Variants in TTN observed in about 807,000 individuals in gnomAD.
TTN encodes the protein titin.
A neutral mutation model predicts 3,223.0 loss-of-function variants in TTN; 1,525 were observed. The observed-to-expected ratio is 0.47, with a 90% confidence interval of 0.45 to 0.49. TTN has a LOEUF of 0.49. TTN is among the 20% of genes least tolerant of loss of function. The pLI is 0.00. For missense variants in TTN, 40,786 were observed against 43,424.0 expected, an observed-to-expected ratio of 0.94 and a Z score of 5.40; for synonymous variants, 14,094 against 15,161.0, an observed-to-expected ratio of 0.93 and a Z score of 5.17.
At chr2:178,597,883 G>C in intron 293 of TTN, 25 bp downstream of exon 293, 1 of 1,612,748 alleles carries the variant, frequency 6.2e-7, no homozygotes, top group African/African-American at 1.3e-5. Flanking sequence ...AAATACTGAT[G>C]GCATAAGGAA....
In TTN at chr2:178,776,865, A is replaced by C; in HGVS notation, c.4999T>G (p.Tyr1667Asp). 1 of 1,613,720 alleles carries C rather than the reference A, an allele frequency of 6.2e-7. No homozygotes were observed. Among genetic ancestry groups the C allele is most frequent in the East Asian group, 2.2e-5 (1 of 44,858 alleles). Residue 1667 changes from tyrosine to aspartate, a missense_variant, in exon 28 of 363, where the codon TAT becomes GAT. Transcript: ENST00000589042. ...GGGGCTGCAATCTCCTTTGCTCTAT[A>C]TGTCCCCCGTGGGATGATTAACTTT... ...ERKLIIPRGTYRAKEIAAPEL... is the reference protein window; with the variant it reads ...ERKLIIPRGTDRAKEIAAPEL...
At position 178,715,778 on chromosome 2, in the gene TTN, T is replaced by C. The variant is rs886055292; in HGVS notation, c.25640-4A>G. The C allele has an allele frequency of 5.7e-6, 9 of 1,571,252 alleles. No individual in the cohort carries two copies. The highest frequency in any genetic ancestry group is 6.9e-6 in the Non-Finnish European group (8 of 1,156,490). On this transcript the variant is annotated splice_polypyrimidine_tract_variant and splice_region_variant and intron_variant, in intron 88 of 362. Coordinates refer to ENST00000589042, the MANE Select transcript of TTN (RefSeq NM_001267550.2). ...TTCTTAATGAACCTGGGTGGTTCTA[T>C]GGAACCAAGAGGAAAAACACAGGGT...
chr2:178,671,712 T>C (rs1487284272), intron 155 of TTN, among the ~76,000 whole-genome samples: 1 of 151,762 alleles, frequency 6.6e-6, no homozygotes, highest in African/African-American at 2.4e-5. Flanking sequence ...TTGTGTAACA[T>C]TCTTAGTCAG....
At position 178,565,678 on chromosome 2, in the gene TTN, T is replaced by G. The variant is rs771164870; in HGVS notation, c.80454A>C (p.Glu26818Asp). 6.2e-7 allele frequency: 1 copy of G among 1,613,604 alleles called. No individual in the cohort carries two copies. Among genetic ancestry groups the G allele is most frequent in the South Asian group, 1.1e-5 (1 of 91,084 alleles). The change falls in exon 326 of 363, where the codon GAA (glutamate) becomes GAC (aspartate). Residue 26818 changes from glutamate (E) to aspartate (D), a missense_variant. By Grantham distance (45) the Glu-to-Asp change is conservative. Transcript: ENST00000589042. ...GGSRVLGYVV[E>D]MQPKGTEKWS... ...ATTTTTCAGTTCCTTTGGGCTGCAT[T>G]TCAACAACGTACCCCAGGACTCTGC...
At chr2:178,799,801 A>C (rs759388818) in intron 5 of TTN, 24 bp downstream of exon 5, 1 of 1,614,190 alleles carries the variant, frequency 6.2e-7, no homozygotes, top group Non-Finnish European at 8.5e-7. Context: ...GAAAGGCTTG[A>C]AAACCAACAG....
intron 71 of TTN, 45 bp downstream of exon 71, chr2:178,725,323 T>C (rs1183614220): frequency 7.0e-7 from 1 of 1,429,082 alleles, no homozygotes; most frequent in East Asian, 2.6e-5. Flanking sequence ...TAGTAATTCA[T>C]TCCAGCATTT....
chr2:178,588,000 T>C lies in TTN; in HGVS notation c.63407A>G (p.Asp21136Gly), dbSNP rs773075736. 3 of 1,612,734 alleles carry C rather than the reference T, an allele frequency of 1.9e-6. No homozygotes were observed. The highest frequency in any genetic ancestry group is 2.5e-6 in the Non-Finnish European group (3 of 1,179,304). ...VRKEFTVTSL[D>G]ENQEYEFRVC... is the part of the protein sequence containing the mutation. ...CCTGAACTCATATTCCTGGTTTTCA[T>C]CCAAGCTGGTAACAGTGAATTCCTT... Residue 21136 changes from aspartate to glycine, a missense_variant, in exon 305 of 363, where the codon GAT becomes GGT. Transcript: ENST00000589042.
At chr2:178,803,474 AAAAGGGAATT>A (rs766878134) in intron 2 of TTN, among the ~76,000 whole-genome samples, 20 of 151,950 alleles carry the variant, frequency 1.3e-4, no homozygotes, top group Non-Finnish European at 2.4e-4. Flanking sequence ...TAGACCAATG[AAAAGGGAATT>A]TCATTGGTCT....
chr2:178,593,416 C>G lies in TTN; in HGVS notation c.58792G>C (p.Val19598Leu), dbSNP rs1375428423. The G allele has an allele frequency of 3.1e-6, 5 of 1,613,196 alleles. No individual in the cohort carries two copies. Among genetic ancestry groups the G allele is most frequent in the Admixed American group, 1.7e-5 (1 of 59,942 alleles). The change falls in exon 299 of 363, where the codon GTA becomes CTA. Residue 19598 changes from valine to leucine, a missense_variant. By Grantham distance (32) the Val-to-Leu change is conservative. Coordinates refer to ENST00000589042, the MANE Select transcript of TTN (RefSeq NM_001267550.2). ...CCATCATGTGGCTTATTCCAGGTTA[C>G]TAATGCAGAGTCTTTGGTAACTTCT... The part of the protein sequence containing the change: ...VTEVTKDSAL[V>L]TWNKPHDGGK...
In TTN at chr2:178,561,571, A is replaced by G; in HGVS notation, c.84561T>C (p.Ile28187=). The G allele has an allele frequency of 6.2e-7, 1 of 1,613,322 alleles. No homozygotes were observed. The highest frequency in any genetic ancestry group is 8.5e-7 in the Non-Finnish European group (1 of 1,179,572). Residue 28187 remains isoleucine, a synonymous_variant, in exon 326 of 363, where the codon ATT becomes ATC. Transcript: ENST00000589042. ...VPVNDGGSRV[I]GYHLEYKERS... ...TTTCTTTATACTCAAGATGATAGCC[A>G]ATTACTCGACTTCCTCCATCATTAA... is the stretch of plus-strand genomic sequence containing the variant.
rs773843381 is a variant in TTN at position 178,799,470 on chromosome 2, C to T, written c.914+17G>A. The stretch of plus-strand genomic sequence containing the variant: ...TCCAAAATGTGCAATAATCTGCTCT[C>T]TCTATGGCAGCTTTACCTGACCGGA... On this transcript the variant is annotated intron_variant, in intron 6 of 362. Coordinates refer to ENST00000589042, the MANE Select transcript of TTN (RefSeq NM_001267550.2). 9 of 1,614,060 alleles carry T rather than the reference C, an allele frequency of 5.6e-6. No homozygotes were observed. The Admixed American group carries it at 6.7e-5, about 12-fold the overall frequency.
Position 178,575,265 on chromosome 2 carries a change from T to C in TTN, c.70867A>G (p.Ile23623Val), listed in dbSNP as rs1218196881. The change falls in exon 326 of 363, where the codon ATT becomes GTT. Residue 23623 changes from isoleucine to valine, a missense_variant. Physicochemically the swap from Ile to Val is conservative, Grantham distance 29. Transcript: ENST00000589042. This position sits in a 1 kb window ranked among gnomAD's most constrained non-coding sequence, Gnocchi z 4.0. ...GGAAGCATTGTCTGCTCCTTGACAA[T>C]GACGGGTCTGCTTTCTCTAGGGGCA... The part of the protein sequence containing the change: ...RSAPRESRPV[I>V]VKEQTMLPEL... 1 of 1,613,214 alleles carries C rather than the reference T, an allele frequency of 6.2e-7. No homozygotes were observed. The highest frequency in any genetic ancestry group is 8.5e-7 in the Non-Finnish European group (1 of 1,179,584).
Position 178,634,825 on chromosome 2 carries a change from C to T in TTN, c.42049G>A (p.Gly14017Arg), listed in dbSNP as rs1161979802. ...SPTCEIKAEG[G>R]KRFLTLHKVK... ...TTGTGCAAAGTTAAGAAGCGTTTTC[C>T]ACCTTCTGCTTTGATTTCACAAGTC... The change falls in exon 229 of 363, where the codon GGA becomes AGA. Residue 14017 changes from glycine (G) to arginine (R), a missense_variant. By Grantham distance (125) the Gly-to-Arg change is moderately radical. Coordinates refer to ENST00000589042, the MANE Select transcript of TTN (RefSeq NM_001267550.2). This position sits in a 1 kb window ranked among gnomAD's most constrained non-coding sequence, Gnocchi z 4.6. 2 of 1,611,216 alleles carry T rather than the reference C, an allele frequency of 1.2e-6. No individual in the cohort carries two copies. Among genetic ancestry groups the T allele is most frequent in the African/African-American group, 1.3e-5 (1 of 74,746 alleles).
intron 213 of TTN, among the ~76,000 whole-genome samples, chr2:178,648,097 A>G (rs997144895): frequency 3.9e-5 from 6 of 152,142 alleles, no homozygotes; most frequent in Non-Finnish European, 8.8e-5. Flanking sequence ...ACTATTTAGT[A>G]GCTGAAATTG....
chr2:178,757,521 T>C (rs769526025), intron 45 of TTN, 21 bp downstream of exon 45: 6 of 1,526,176 alleles, frequency 3.9e-6, no homozygotes, highest in Non-Finnish European at 5.3e-6. Flanking sequence ...ATCAAAGTCC[T>C]TGAAGCAAGA....
Position 178,677,751 on chromosome 2 carries a change from T to C in TTN, c.34161A>G (p.Glu11387=), listed in dbSNP as rs780975680. ...VLPEEEEVLP[E]EEEIPPEEEE... is the part of the protein sequence containing the mutation. ...CTTCCTCAGGTGGAATTTCCTCTTC[T>C]TCAGGTAGAACTTCCTCTTCTTCAG... Residue 11387 remains glutamate, a synonymous_variant, in exon 146 of 363, where the codon GAA becomes GAG. Transcript: ENST00000589042. The C allele has an allele frequency of 8.7e-6, 14 of 1,608,754 alleles. No individual in the cohort carries two copies. The highest frequency in any genetic ancestry group is 1.2e-5 in the Non-Finnish European group (14 of 1,176,268).
In TTN at chr2:178,582,948, T is replaced by A. The variant is rs371740766; in HGVS notation, c.65855A>T (p.Lys21952Ile). 2 of 1,523,778 alleles carry A rather than the reference T, an allele frequency of 1.3e-6. No individual in the cohort carries two copies. Among genetic ancestry groups the A allele is most frequent in the Non-Finnish European group, 1.8e-6 (2 of 1,134,808 alleles). 94.4% of individuals were successfully genotyped at this position (1,523,778 alleles called of 1,614,324 possible). Residue 21952 changes from lysine (K) to isoleucine (I), a missense_variant, in exon 313 of 363, where the codon AAA (lysine) becomes ATA (isoleucine). Coordinates refer to ENST00000589042, the MANE Select transcript of TTN (RefSeq NM_001267550.2). Reference sequence around the variant, plus strand: ...TGAAGTTTATTAGTTACCTAACACTTTAAGCTTAATGGTGGCTGATTTAGA... The same window carrying A: ...TGAAGTTTATTAGTTACCTAACACTATAAGCTTAATGGTGGCTGATTTAGA... ...SGSKSATIKL[K>I]VLDKPGPPAS...
chr2:178,685,335 A>G lies in TTN; in HGVS notation c.32393-5T>C. Reference sequence around the variant, plus strand: ...TCTTCTCCTGCCTCTCTGTCACTTGAAAAGATTATAAAATATGTTTGTAGA... The same window carrying G: ...TCTTCTCCTGCCTCTCTGTCACTTGGAAAGATTATAAAATATGTTTGTAGA... On this transcript the variant is annotated splice_region_variant and splice_polypyrimidine_tract_variant and intron_variant, in intron 128 of 362. Transcript: ENST00000589042. 2 of 1,546,780 alleles carry G rather than the reference A, an allele frequency of 1.3e-6. No individual in the cohort carries two copies. The highest frequency in any genetic ancestry group is 2.4e-5 in the South Asian group (2 of 82,348).
intron 71 of TTN, 49 bp from the exon 72 acceptor site, chr2:178,724,587 T>C (rs767233663): frequency 6.6e-7 from 1 of 1,516,324 alleles, no homozygotes; most frequent in Non-Finnish European, 8.8e-7. Flanking sequence ...ATCTTTACTC[T>C]GTCTCTACTA....
Sources: gnomAD v4.1 joint callset for allele counts (sites outside exome capture counted in the v4.1 genomes callset) on GRCh38, gnomAD v4.1.1 for gene constraint, Gnocchi (gnomAD v3.1) non-coding constraint, MANE v1.5 for transcripts, NCBI Gene and HGNC (gene_info 2026-07-23, HGNC 2026-07-21) for gene names.